Variants in JAZF1 observed in about 807,000 individuals in gnomAD.
JAZF1 encodes the protein juxtaposed with another zinc finger protein 1.
Under a neutral mutation model 26.4 loss-of-function variants are expected in JAZF1, and 8 were observed. The ratio of observed to expected loss-of-function variants is 0.30; its 90% CI spans 0.18 to 0.55. The LOEUF is 0.55. JAZF1 is among the 20% of genes least tolerant of loss of function. The pLI is 0.94. For synonymous variants in JAZF1, 126 were observed against 122.3 expected, an observed-to-expected ratio of 1.03 and a Z score of -0.20; for missense variants, 199 against 322.0, an observed-to-expected ratio of 0.62 and a Z score of 2.92.
chr7:27,953,798 CTG>C (rs1369783136), intron 2 of JAZF1, among the ~76,000 whole-genome samples: 18 of 152,190 alleles, frequency 1.2e-4, no homozygotes, highest in Admixed American at 1.2e-3. Context: ...TGGGCTGAGT[CTG>C]TGAGATGATA....
At chr7:27,964,689 A>G (rs1444396727) in intron 2 of JAZF1, among the ~76,000 whole-genome samples, 2 of 151,618 alleles carry the variant, frequency 1.3e-5, no homozygotes, top group Non-Finnish European at 2.9e-5. Flanking sequence ...TTTAAAAAGA[A>G]GTCAAGCAGA....
intron 3 of JAZF1, among the ~76,000 whole-genome samples, chr7:27,873,581 A>T (rs1212783462): frequency 1.3e-5 from 2 of 152,100 alleles, no homozygotes; most frequent in African/African-American, 2.4e-5. Context: ...AAAACCTCTC[A>T]AATGCTACTT....
intron 3 of JAZF1, among the ~76,000 whole-genome samples, chr7:27,893,380 T>C (rs186107597): frequency 1.3e-5 from 2 of 152,326 alleles, no homozygotes; most frequent in African/African-American, 4.8e-5. Flanking sequence ...AAGTGGGTTC[T>C]CTTTGCTCTT....
chr7:28,015,445 C>A (rs73301398), intron 1 of JAZF1, among the ~76,000 whole-genome samples: 6,546 of 152,124 alleles, frequency 0.043, 504 homozygotes, highest in African/African-American at 0.15. Context: ...AGGGAAAACT[C>A]GGCATGGGAA....
chr7:28,075,785 A>T (rs73683972), intron 1 of JAZF1, among the ~76,000 whole-genome samples: 3 of 152,310 alleles, frequency 2.0e-5, no homozygotes, highest in Non-Finnish European at 2.9e-5. Context: ...CACTATTTTT[A>T]GGGTGGAATT....
At chr7:28,064,996 C>A (rs1324525421) in intron 1 of JAZF1, among the ~76,000 whole-genome samples, 1 of 152,182 alleles carries the variant, frequency 6.6e-6, no homozygotes, top group Non-Finnish European at 1.5e-5. Flanking sequence ...CAAACTCACT[C>A]AAGCAGCATA....
At chr7:28,151,296 G>A (rs1783108973) in intron 1 of JAZF1, among the ~76,000 whole-genome samples, 1 of 151,118 alleles carries the variant, frequency 6.6e-6, no homozygotes, top group Non-Finnish European at 1.5e-5. Flanking sequence ...GTACAGACAA[G>A]GTTTCACCAT....
At chr7:28,047,726 G>A (rs1783521102) in intron 1 of JAZF1, among the ~76,000 whole-genome samples, 1 of 152,032 alleles carries the variant, frequency 6.6e-6, no homozygotes, top group African/African-American at 2.4e-5. Flanking sequence ...TGATCATATG[G>A]ATTCTGGCCT....
At chr7:28,031,537 G>A (rs1178065149) in intron 1 of JAZF1, among the ~76,000 whole-genome samples, 5 of 152,140 alleles carry the variant, frequency 3.3e-5, no homozygotes, top group Admixed American at 1.3e-4. Flanking sequence ...TACTAGCACC[G>A]TCCTGCAGAG....
At position 27,831,733 on chromosome 7, in the gene JAZF1, G is replaced by A. The variant is rs1782705675; in HGVS notation, c.*1067C>T. 1.8e-5 allele frequency: 4 copies of A among 225,432 alleles called. No individual in the cohort carries two copies. The highest frequency in any genetic ancestry group is 1.1e-4 in the Admixed American group (2 of 17,496). The allele number at this position is 225,432 out of a possible 1,614,324, so 14.0% of individuals were successfully genotyped here. ...AAGTAAAAAATGAGCATGAAGAAGA[G>A]GCAATAGGGGTCTTAACAAAAGTGT... On this transcript the variant is annotated 3_prime_UTR_variant, in exon 5 of 5. Transcript: ENST00000283928.
intron 1 of JAZF1, among the ~76,000 whole-genome samples, chr7:28,137,669 C>G (rs932571011): frequency 6.6e-6 from 1 of 152,180 alleles, no homozygotes; most frequent in Admixed American, 6.5e-5. Flanking sequence ...ATGCCTCCCC[C>G]TCTCCACAGA....
intron 1 of JAZF1, among the ~76,000 whole-genome samples, chr7:28,122,204 T>A (rs566522252): frequency 1.3e-5 from 2 of 152,144 alleles, no homozygotes; most frequent in African/African-American, 4.8e-5. Context: ...CAAAACCAAA[T>A]ACATACAAGT....
At position 27,831,318 on chromosome 7, in the gene JAZF1, CTT is replaced by C. The variant is rs1171805047; in HGVS notation, c.*1480_*1481del. On this transcript the variant is annotated 3_prime_UTR_variant, in exon 5 of 5. Transcript: ENST00000283928. ...CTTCCCAGTTATATGTGATGTAAGA[CTT>C]TTCATCAAATGGGAACATGGGAAGA... 3 of 226,898 alleles carry C rather than the reference CTT, an allele frequency of 1.3e-5. No homozygotes were observed. The highest frequency in any genetic ancestry group is 2.7e-3 in the Middle Eastern group (2 of 744). 14.1% of individuals were successfully genotyped at this position (226,898 alleles called of 1,614,324 possible). A position where few individuals can be genotyped will look rare whatever the true frequency, so the allele number is the denominator to read the frequency against.
At chr7:27,886,106 T>C (rs1432667195) in intron 3 of JAZF1, among the ~76,000 whole-genome samples, 1 of 152,216 alleles carries the variant, frequency 6.6e-6, no homozygotes, top group Non-Finnish European at 1.5e-5. Flanking sequence ...TGATTTATTT[T>C]CTGAACTGGT....
chr7:27,857,460 C>T (rs1783290510), intron 3 of JAZF1, among the ~76,000 whole-genome samples: 1 of 152,210 alleles, frequency 6.6e-6, no homozygotes, highest in South Asian at 2.1e-4. Flanking sequence ...GGGGCTCAAA[C>T]AGTGCAGCGG....
intron 2 of JAZF1, among the ~76,000 whole-genome samples, chr7:27,972,533 A>G (rs1785391972): frequency 1.3e-5 from 2 of 152,230 alleles, no homozygotes. Flanking sequence ...GTGTGACAGG[A>G]AGCCTTTGGC....
At chr7:27,971,066 G>A (rs1379164561) in intron 2 of JAZF1, among the ~76,000 whole-genome samples, 1 of 152,194 alleles carries the variant, frequency 6.6e-6, no homozygotes, top group Non-Finnish European at 1.5e-5. Context: ...AGTATGCGTT[G>A]AAAACAATGA....
intron 1 of JAZF1, among the ~76,000 whole-genome samples, chr7:28,167,052 CAT>C (rs989162197): frequency 2.6e-5 from 4 of 152,178 alleles, no homozygotes; most frequent in African/African-American, 9.7e-5. Context: ...AGTGTTATAA[CAT>C]GTGTGGGGGC....
At chr7:27,950,136 T>C (rs1366467276) in intron 2 of JAZF1, among the ~76,000 whole-genome samples, 2 of 152,252 alleles carry the variant, frequency 1.3e-5, no homozygotes, top group East Asian at 1.9e-4. Flanking sequence ...CTTTGTAGTA[T>C]CATCATGAGC....
Sources: allele counts gnomAD v4.1 joint callset (sites outside exome capture counted in the v4.1 genomes callset), GRCh38; gene constraint gnomAD v4.1.1; transcripts MANE v1.5; gene names NCBI Gene and HGNC (gene_info 2026-07-23, HGNC 2026-07-21).